Variants in DOCK5 observed in about 807,000 individuals in gnomAD.
The protein encoded by DOCK5 is dedicator of cytokinesis 5, also known as dedicator of cytokinesis protein 5.
DOCK5 carries 142 observed loss-of-function variants against 251.8 expected under a neutral mutation model. That is an observed-to-expected ratio of 0.56 (90% CI 0.49 to 0.65). The LOEUF (loss-of-function observed/expected upper bound fraction) is 0.65. DOCK5 is among the 30% of genes least tolerant of loss of function. The pLI, the probability that DOCK5 is intolerant of heterozygous loss-of-function variation, is 0.00. For synonymous variants in DOCK5, 842 were observed against 835.5 expected, an observed-to-expected ratio of 1.01 and a Z score of -0.13; for missense variants, 2,111 against 2,312.3, an observed-to-expected ratio of 0.91 and a Z score of 1.79.
At position 25,411,259 on chromosome 8, in the gene DOCK5, G is replaced by A. The variant is rs1324881887; in HGVS notation, c.5574G>A (p.Arg1858=). 5.7e-6 allele frequency: 9 copies of A among 1,583,850 alleles called. No individual in the cohort carries two copies. The highest frequency in any genetic ancestry group is 1.4e-5 in the African/African-American group (1 of 73,108). ...CACCCCCTCCACCTCCAAAGGCTCG[G>A]AAGTCTGGCATCCCTACTTCCGAGC... The part of the protein sequence containing the change: ...KAPPPPPPKA[R]KSGIPTSEPG... Residue 1858 remains arginine, a synonymous_variant, in exon 52 of 52, where the codon CGG becomes CGA. Transcript: ENST00000276440.
chr8:25,235,498 A>G (rs1430507170), intron 1 of DOCK5, among the ~76,000 whole-genome samples: 3 of 152,106 alleles, frequency 2.0e-5, no homozygotes, highest in Non-Finnish European at 2.9e-5. Context: ...AGGTCAAGCA[A>G]TCCTCCCACT....
intron 1 of DOCK5, among the ~76,000 whole-genome samples, chr8:25,198,195 A>C (rs377381014): frequency 6.6e-6 from 1 of 152,240 alleles, no homozygotes. Flanking sequence ...AACAAGTTGC[A>C]TCGTATTTGA....
rs1006125772 is a variant in DOCK5 at position 25,212,676 on chromosome 8, A to G, written c.43+27725A>G. 9.9e-5 allele frequency among the ~76,000 whole-genome samples: 7 copies of G among 70,440 alleles called. 2 individuals carry two copies. The highest frequency in any genetic ancestry group is 2.3e-4 in the African/African-American group (7 of 31,058). The allele number at this position is 70,440 out of a possible 152,430, so 46.2% of individuals were successfully genotyped here. On this transcript the variant is annotated intron_variant, in intron 1 of 51. Transcript: ENST00000276440. ...TGTGACCAATTCATCTGAAGTAGCT[A>G]GAGAGTGTCTGAATAATTTTATTTC...
chr8:25,386,498 T>C (rs1801166579), intron 40 of DOCK5, among the ~76,000 whole-genome samples: 1 of 152,188 alleles, frequency 6.6e-6, no homozygotes, highest in Non-Finnish European at 1.5e-5. Context: ...CTCAGTAGGC[T>C]GAGGCAGGAG....
At chr8:25,376,103 G>C in intron 37 of DOCK5, 1 of 715,306 alleles carries the variant, frequency 1.4e-6, no homozygotes, top group African/African-American at 2.1e-5. Context: ...TGTCTCAAAA[G>C]AAAAAAAAAA....
chr8:25,331,954 G>A (rs1385625964), intron 18 of DOCK5, among the ~76,000 whole-genome samples: 1 of 152,092 alleles, frequency 6.6e-6, no homozygotes, highest in South Asian at 2.1e-4. Context: ...ACATTAGCAT[G>A]CTTCTTAGCT....
intron 30 of DOCK5, among the ~76,000 whole-genome samples, chr8:25,365,382 T>C (rs1046232174): frequency 1.3e-5 from 2 of 152,230 alleles, no homozygotes; most frequent in Non-Finnish European, 1.5e-5. Flanking sequence ...GGAACTGTTA[T>C]CAGTGGAGGT....
Position 25,369,660 on chromosome 8 carries a change from A to G in DOCK5, c.3524+19A>G. ...AAAAACTGTGAGTATTTCAGGAACG[A>G]AACCTGAAGTCAGTGGTGTCATTTA... On this transcript the variant is annotated intron_variant, in intron 34 of 51. Coordinates refer to ENST00000276440, the MANE Select transcript of DOCK5 (RefSeq NM_024940.8). 6.3e-7 allele frequency: 1 copy of G among 1,587,360 alleles called. No individual in the cohort carries two copies. Among genetic ancestry groups the G allele is most frequent in the South Asian group, 1.1e-5 (1 of 87,492 alleles).
rs563349208 is a variant in DOCK5 at position 25,369,753 on chromosome 8, C to G, written c.3524+112C>G. The G allele has an allele frequency of 5.3e-5, 43 of 807,640 alleles. No individual in the cohort carries two copies. In the South Asian group the frequency reaches 7.5e-4, roughly 14 times the overall value. 50.0% of individuals were successfully genotyped at this position (807,640 alleles called of 1,614,324 possible). On this transcript the variant is annotated intron_variant, in intron 34 of 51. Transcript: ENST00000276440. ...TTGAGTAGTCTCAGAGTCACTAGGG[C>G]CACCCCCACTGTGGTCTTCAGTATG...
chr8:25,364,858 AC>A lies in DOCK5; in HGVS notation c.3123+155del. On this transcript the variant is annotated intron_variant, in intron 30 of 51. Transcript: ENST00000276440. ...TTCCTAAAGCACATATGCCTGTCAC[AC>A]TGTCCTCCAAACACAACAAAATAGG... 6.9e-6 allele frequency: 4 copies of A among 578,186 alleles called. No individual in the cohort carries two copies. In the Admixed American group the frequency reaches 1.2e-4, roughly 18 times the overall value. 35.8% of individuals were successfully genotyped at this position (578,186 alleles called of 1,614,324 possible).
Position 25,345,019 on chromosome 8 carries a change from A to G in DOCK5, c.2618-456A>G, listed in dbSNP as rs1800331839. On this transcript the variant is annotated intron_variant, in intron 25 of 51. Coordinates refer to ENST00000276440, the MANE Select transcript of DOCK5 (RefSeq NM_024940.8). ...CAGACATGAGCAGAATGTCATTGAC[A>G]TGTACTAGGGAAGCTCAGTATTTAT... is the stretch of plus-strand genomic sequence containing the variant. Among the ~76,000 whole-genome samples, 4 of 152,186 alleles carry G rather than the reference A, an allele frequency of 2.6e-5. No individual in the cohort carries two copies. The South Asian group carries it at 8.3e-4, about 31-fold the overall frequency.
intron 1 of DOCK5, among the ~76,000 whole-genome samples, chr8:25,190,884 C>T (rs944412639): frequency 6.0e-5 from 9 of 149,164 alleles, no homozygotes; most frequent in African/African-American, 1.2e-4. Context: ...CCCGGGTTCA[C>T]GCCATTCTCC....
intron 1 of DOCK5, among the ~76,000 whole-genome samples, chr8:25,224,085 A>G (rs1400879852): frequency 2.0e-5 from 3 of 152,106 alleles, no homozygotes; most frequent in Non-Finnish European, 1.5e-5. Context: ...CCACGTTTAT[A>G]TACTATCCTT....
chr8:25,342,492 C>T lies in DOCK5; in HGVS notation c.2602C>T (p.Leu868Phe), dbSNP rs1409193368. 6 of 1,587,818 alleles carry T rather than the reference C, an allele frequency of 3.8e-6. No individual in the cohort carries two copies. In the African/African-American group the frequency reaches 5.4e-5, roughly 14 times the overall value. The change falls in exon 25 of 52, where the codon CTT (leucine) becomes TTT (phenylalanine). Residue 868 changes from leucine (L) to phenylalanine (F), a missense_variant. Leu to Phe is a conservative substitution (Grantham distance 22). Coordinates refer to ENST00000276440, the MANE Select transcript of DOCK5 (RefSeq NM_024940.8). ...CATGACCAAGATAGTAGAGAGCACT[C>T]TTTTTCGACAGTCAGGTAAGTCTCC... Reference protein sequence around the residue: ...NCMTKIVESTLFRQSECREVL... With the variant: ...NCMTKIVESTFFRQSECREVL...
chr8:25,249,650 G>C (rs985536275), intron 2 of DOCK5, among the ~76,000 whole-genome samples: 12 of 152,178 alleles, frequency 7.9e-5, no homozygotes, highest in African/African-American at 2.9e-4. Flanking sequence ...GCAGTGGCAT[G>C]ATCACGGCTC....
chr8:25,359,292 C>G (rs946294138), intron 28 of DOCK5, among the ~76,000 whole-genome samples: 1 of 152,202 alleles, frequency 6.6e-6, no homozygotes, highest in African/African-American at 2.4e-5. Flanking sequence ...ACACTTTAAT[C>G]TCTCTTGGAT....
intron 1 of DOCK5, among the ~76,000 whole-genome samples, chr8:25,231,556 C>T (rs191228054): frequency 1.4e-4 from 21 of 152,278 alleles, no homozygotes; most frequent in African/African-American, 4.6e-4. Flanking sequence ...CCTAAAAACT[C>T]ACATATTAGT....
At chr8:25,207,372 G>A (rs1265270010) in intron 1 of DOCK5, among the ~76,000 whole-genome samples, 2 of 152,190 alleles carry the variant, frequency 1.3e-5, no homozygotes, top group East Asian at 3.8e-4. Context: ...AGATGAAATA[G>A]CCTTCTATTG....
At chr8:25,355,030 T>G (rs1056961641) in intron 27 of DOCK5, among the ~76,000 whole-genome samples, 1 of 152,058 alleles carries the variant, frequency 6.6e-6, no homozygotes, top group South Asian at 2.1e-4. Flanking sequence ...AGCCAGGAGT[T>G]TGAGACTAGT....
Sources: gnomAD v4.1 joint callset for allele counts (sites outside exome capture counted in the v4.1 genomes callset) on GRCh38, gnomAD v4.1.1 for gene constraint, MANE v1.5 for transcripts, NCBI Gene and HGNC (gene_info 2026-07-23, HGNC 2026-07-21) for gene names.